ITGBL1: variants seen among roughly 807,000 people sequenced by gnomAD.
ITGBL1 encodes integrin beta-like protein 1.
ITGBL1 carries 51 observed loss-of-function variants against 68.5 expected under a neutral mutation model. The observed-to-expected ratio is 0.74, with a 90% CI of 0.59 to 0.94. ITGBL1 has a LOEUF of 0.94. Ranked by LOEUF, ITGBL1 falls within the 40% of genes least tolerant of loss-of-function variation. The pLI, the probability that ITGBL1 is intolerant of heterozygous loss-of-function variation, is 0.00. For synonymous variants in ITGBL1, 209 were observed against 227.3 expected (o/e 0.92, Z 0.72); for missense variants, 649 against 647.4 (o/e 1.00, Z -0.03).
chr13:101,652,961 G>A (rs1450476631), intron 7 of ITGBL1, among the ~76,000 whole-genome samples: 1 of 152,032 alleles, frequency 6.6e-6, no homozygotes, highest in African/African-American at 2.4e-5. Flanking sequence ...GCCAGGCATG[G>A]TGGTACATGC....
intron 2 of ITGBL1, among the ~76,000 whole-genome samples, chr13:101,466,773 T>C (rs2048387532): frequency 6.6e-6 from 1 of 152,214 alleles, no homozygotes; most frequent in Non-Finnish European, 1.5e-5. Context: ...TACAGATCGA[T>C]CTTTCCTGGA....
chr13:101,691,245 C>T (rs993424407), intron 7 of ITGBL1, among the ~76,000 whole-genome samples: 1 of 152,152 alleles, frequency 6.6e-6, no homozygotes, highest in African/African-American at 2.4e-5. Flanking sequence ...GGGACTACCT[C>T]CAAGTAGAGA....
chr13:101,477,003 T>C (rs938492880), intron 2 of ITGBL1, among the ~76,000 whole-genome samples: 1 of 152,086 alleles, frequency 6.6e-6, no homozygotes, highest in Admixed American at 6.6e-5. Flanking sequence ...TTGAACCTGA[T>C]AGGTATTTCC....
At chr13:101,707,654 A>G (rs1189264566) in intron 9 of ITGBL1, among the ~76,000 whole-genome samples, 1 of 151,832 alleles carries the variant, frequency 6.6e-6, no homozygotes, top group Non-Finnish European at 1.5e-5. Flanking sequence ...AGCCTGGCCA[A>G]CGTGGTGAAA....
In ITGBL1 at chr13:101,567,802, C is replaced by T. The variant is rs774844386; in HGVS notation, c.420C>T (p.Asn140=). 3.2e-5 allele frequency: 52 copies of T among 1,613,062 alleles called. No homozygotes were observed. The highest frequency in any genetic ancestry group is 4.2e-5 in the Non-Finnish European group (50 of 1,179,464). ...GTGACTTGACAAAGAAGAAAAGTAA[C>T]CAAATGTGCAAGAATTCACAAGACA... The part of the protein sequence containing the change: ...TNCDLTKKKS[N]QMCKNSQDII... The change falls in exon 3 of 11, where the codon AAC becomes AAT. Residue 140 remains asparagine, a synonymous_variant. Coordinates refer to ENST00000376180, the MANE Select transcript of ITGBL1 (RefSeq NM_004791.3).
rs59309809 is a variant in ITGBL1 at position 101,634,941 on chromosome 13, G to GGTGTGTGTGTGTGT, written c.1015+36659_1015+36672dup. 1.4e-3 allele frequency among the ~76,000 whole-genome samples: 210 copies of GGTGTGTGTGTGTGT among 145,888 alleles called. 1 individual carries two copies. Among genetic ancestry groups the GGTGTGTGTGTGTGT allele is most frequent in the African/African-American group, 4.9e-3 (197 of 40,138 alleles). ...AGATATACTTTCAATATAAGCAAAAGGTGTGTGTGTGTGTGTGTGTGTGTG... is the reference window on the plus strand; with the variant it reads ...AGATATACTTTCAATATAAGCAAAAGGTGTGTGTGTGTGTGTGTGTGTGTGTGTGTGTGTGTGTG... On this transcript the variant is annotated intron_variant, in intron 7 of 10. Transcript: ENST00000376180.
At chr13:101,456,018 A>C (rs545137302) in intron 2 of ITGBL1, among the ~76,000 whole-genome samples, 1 of 152,252 alleles carries the variant, frequency 6.6e-6, no homozygotes, top group Non-Finnish European at 1.5e-5. Flanking sequence ...GAAACTATGC[A>C]GAAGGAATGC....
At chr13:101,462,591 T>C (rs2048331957) in intron 2 of ITGBL1, among the ~76,000 whole-genome samples, 1 of 152,002 alleles carries the variant, frequency 6.6e-6, no homozygotes, top group African/African-American at 2.4e-5. Flanking sequence ...TCCATATCAT[T>C]ATTTTTTTTG....
At chr13:101,611,260 A>G (rs2031113306) in intron 7 of ITGBL1, among the ~76,000 whole-genome samples, 1 of 152,186 alleles carries the variant, frequency 6.6e-6, no homozygotes. Context: ...ATGCCCATCC[A>G]TTGGGTCATT....
chr13:101,697,039 A>T (rs1168965333), intron 8 of ITGBL1, among the ~76,000 whole-genome samples: 1 of 147,270 alleles, frequency 6.8e-6, no homozygotes. Context: ...TATCGATTTC[A>T]TTTTTTTTTT....
intron 8 of ITGBL1, among the ~76,000 whole-genome samples, chr13:101,696,650 G>A (rs935077338): frequency 3.3e-5 from 5 of 151,868 alleles, no homozygotes; most frequent in South Asian, 2.1e-4. Flanking sequence ...CCTCTATACC[G>A]CACCACCTGC....
chr13:101,454,275 C>A (rs1038644758), intron 2 of ITGBL1, among the ~76,000 whole-genome samples, 175 bp downstream of exon 2: 5 of 152,310 alleles, frequency 3.3e-5, no homozygotes, highest in African/African-American at 9.6e-5. Context: ...TATCACAACA[C>A]TTTTATCCCC....
chr13:101,477,023 G>A (rs2048547713), intron 2 of ITGBL1, among the ~76,000 whole-genome samples: 2 of 151,770 alleles, frequency 1.3e-5, no homozygotes, highest in Admixed American at 6.6e-5. Context: ...CAAGAACATC[G>A]ATGGCTGCAA....
chr13:101,626,799 T>C (rs913309824), intron 7 of ITGBL1, among the ~76,000 whole-genome samples: 23 of 152,208 alleles, frequency 1.5e-4, no homozygotes, highest in African/African-American at 5.5e-4. Context: ...AAAGAAATCA[T>C]TTTAAAATTG....
intron 7 of ITGBL1, among the ~76,000 whole-genome samples, chr13:101,651,584 G>A (rs964883020): frequency 5.3e-5 from 8 of 152,044 alleles, no homozygotes; most frequent in South Asian, 2.1e-4. Flanking sequence ...TTTGTCAGAT[G>A]GATAGAAGGC....
chr13:101,566,114 T>A (rs920579265), intron 2 of ITGBL1, among the ~76,000 whole-genome samples: 1 of 152,174 alleles, frequency 6.6e-6, no homozygotes, highest in Non-Finnish European at 1.5e-5. Flanking sequence ...ATGCTTTATC[T>A]TCTAAATCAT....
intron 7 of ITGBL1, among the ~76,000 whole-genome samples, chr13:101,655,747 C>T (rs943291026): frequency 2.0e-5 from 3 of 152,172 alleles, no homozygotes; most frequent in East Asian, 1.9e-4. Flanking sequence ...CTGAGCTGAT[C>T]GTATGGAGGC....
At chr13:101,699,364 A>ATTGTTATGGT (rs1443541465) in intron 8 of ITGBL1, among the ~76,000 whole-genome samples, 1 of 152,046 alleles carries the variant, frequency 6.6e-6, no homozygotes, top group Non-Finnish European at 1.5e-5. Context: ...GACGTTTATC[A>ATTGTTATGGT]TTGTTATGGT....
intron 2 of ITGBL1, among the ~76,000 whole-genome samples, chr13:101,514,989 T>C (rs1474469542): frequency 1.3e-5 from 2 of 152,032 alleles, no homozygotes; most frequent in Non-Finnish European, 2.9e-5. Flanking sequence ...AAATAGAAAA[T>C]ATTATAGGAA....
Sources: gnomAD v4.1 joint callset for allele counts (sites outside exome capture counted in the v4.1 genomes callset) on GRCh38, gnomAD v4.1.1 for gene constraint, MANE v1.5 for transcripts, NCBI Gene and HGNC (gene_info 2026-07-23, HGNC 2026-07-21) for gene names.